Variants in FAM151A observed in about 807,000 individuals in gnomAD.
FAM151A encodes family with sequence similarity 151 member A.
FAM151A carries 41 observed loss-of-function variants against 40.4 expected under a neutral mutation model. The observed-to-expected ratio is 1.01, with a 90% CI of 0.79 to 1.32. FAM151A has a LOEUF of 1.32. Among genes scored for constraint, FAM151A ranks in the 40% most tolerant of loss-of-function variants. The pLI is 0.00. For missense variants in FAM151A, 740 were observed against 740.4 expected, an observed-to-expected ratio of 1.00 and a Z score of 0.01; for synonymous variants, 337 against 312.5, an observed-to-expected ratio of 1.08 and a Z score of -0.83.
At chr1:54,622,180 G>A (rs1034453358) in intron 1 of FAM151A, among the ~76,000 whole-genome samples, 5 of 151,290 alleles carry the variant, frequency 3.3e-5, no homozygotes, top group African/African-American at 1.2e-4. Context: ...GGAGGCTGAG[G>A]TGGAAGAATT....
rs974205611 is a variant in FAM151A at position 54,610,407 on chromosome 1, C to T, written c.1084+5G>A. The T allele has an allele frequency of 1.9e-6, 3 of 1,612,500 alleles. No homozygotes were observed. Among genetic ancestry groups the T allele is most frequent in the Admixed American group, 1.7e-5 (1 of 59,898 alleles). On this transcript the variant is annotated splice_donor_5th_base_variant and intron_variant, in intron 7 of 7. Transcript: ENST00000302250. ...GGAGCACCGGGGCTGAAGGGTAGAC[C>T]TTACCTGGGAGGGTCATTGTTGCTG...
chr1:54,614,770 G>C lies in FAM151A; in HGVS notation c.505C>G (p.Pro169Ala). The C allele has an allele frequency of 6.2e-7, 1 of 1,614,150 alleles. No individual in the cohort carries two copies. The highest frequency in any genetic ancestry group is 8.5e-7 in the Non-Finnish European group (1 of 1,180,022). The change falls in exon 4 of 8, where the codon CCC (proline) becomes GCC (alanine). Residue 169 changes from proline to alanine, a missense_variant. Coordinates refer to ENST00000302250, the MANE Select transcript of FAM151A (RefSeq NM_176782.3). ...QLTEEGKVRR[P>A]IWINADILKG... ...AAGATGTCAGCGTTGATCCATATGGGCCGCCGGACTTTGCCTTCCTCTGTC... is the reference window on the plus strand; with the variant it reads ...AAGATGTCAGCGTTGATCCATATGGCCCGCCGGACTTTGCCTTCCTCTGTC...
chr1:54,616,182 G>C lies in FAM151A; in HGVS notation c.263-10C>G, dbSNP rs757672866. ...AGGACTGTGATGTTGCCTGTGGAAG[G>C]GGCAACAACTCAGTGAGTTCCTTTT... On this transcript the variant is annotated splice_polypyrimidine_tract_variant and intron_variant, in intron 2 of 7. Coordinates refer to ENST00000302250, the MANE Select transcript of FAM151A (RefSeq NM_176782.3). 4.1e-5 allele frequency: 65 copies of C among 1,603,848 alleles called. No individual in the cohort carries two copies. Among genetic ancestry groups the C allele is most frequent in the Non-Finnish European group, 5.5e-5 (64 of 1,174,252 alleles).
At chr1:54,622,458 G>A (rs1040572616) in intron 1 of FAM151A, among the ~76,000 whole-genome samples, 4 of 151,600 alleles carry the variant, frequency 2.6e-5, no homozygotes, top group Non-Finnish European at 4.4e-5. Context: ...CACGCCTGTA[G>A]TCCCAGCTAC....
intron 1 of FAM151A, 146 bp downstream of exon 1, chr1:54,623,132 G>A (rs965446470): frequency 6.8e-6 from 4 of 590,866 alleles, no homozygotes; most frequent in Non-Finnish European, 1.2e-5. Context: ...GCCGAGAATC[G>A]TGCCATTGTA....
Position 54,611,596 on chromosome 1 carries a change from C to G in FAM151A, c.940+10G>C, listed in dbSNP as rs1644118890. The stretch of plus-strand genomic sequence containing the variant: ...CAGCCCACACCACCCTTCCCAATTC[C>G]TCTCCTTACAGGCCAGCTGCTTGAA... On this transcript the variant is annotated intron_variant, in intron 6 of 7. Transcript: ENST00000302250. 1 of 1,613,504 alleles carries G rather than the reference C, an allele frequency of 6.2e-7. No individual in the cohort carries two copies. Among genetic ancestry groups the G allele is most frequent in the Non-Finnish European group, 8.5e-7 (1 of 1,179,734 alleles).
chr1:54,610,596 C>A, intron 6 of FAM151A, 41 bp from the exon 7 acceptor site: 4 of 1,596,444 alleles, frequency 2.5e-6, no homozygotes, highest in South Asian at 1.1e-5. Context: ...GGCTGCCATT[C>A]ACAGAACACC....
At chr1:54,615,900 G>T in intron 3 of FAM151A, 120 bp downstream of exon 3, 1 of 1,027,050 alleles carries the variant, frequency 9.7e-7, no homozygotes, top group Non-Finnish European at 1.5e-6. Flanking sequence ...TGATGAGAAA[G>T]CCAAGGCAAT....
At chr1:54,617,649 G>A (rs918376078) in intron 2 of FAM151A, among the ~76,000 whole-genome samples, 2 of 142,574 alleles carry the variant, frequency 1.4e-5, no homozygotes, top group Non-Finnish European at 3.0e-5. Context: ...TGTGCACATA[G>A]ATCCCCCAGG....
chr1:54,609,545 A>T lies in FAM151A; in HGVS notation c.1481T>A (p.Leu494His). The change falls in exon 8 of 8, where the codon CTC becomes CAC. Residue 494 changes from leucine to histidine, a missense_variant. By Grantham distance (99) the Leu-to-His change is moderately conservative. Coordinates refer to ENST00000302250, the MANE Select transcript of FAM151A (RefSeq NM_176782.3). ...CTGGCACAACTCTAGCATATCTGTG[A>T]GCAGCTGTTCCCTGTAGCCACTGCC... ...VLGSGYREQLLTDMLELCQGL... is the reference protein window; with the variant it reads ...VLGSGYREQLHTDMLELCQGL... The T allele has an allele frequency of 1.9e-6, 3 of 1,612,850 alleles. No individual in the cohort carries two copies. The highest frequency in any genetic ancestry group is 2.2e-5 in the East Asian group (1 of 44,876).
chr1:54,609,583 A>G lies in FAM151A; in HGVS notation c.1443T>C (p.Pro481=), dbSNP rs1285674489. 4 of 1,612,946 alleles carry G rather than the reference A, an allele frequency of 2.5e-6. No individual in the cohort carries two copies. In the Admixed American group the frequency reaches 6.7e-5, roughly 27 times the overall value. The change falls in exon 8 of 8, where the codon CCT becomes CCC. Residue 481 remains proline (P), a synonymous_variant. Transcript: ENST00000302250. ...TGTAGCCACTGCCCAGCACCTCCTC[A>G]GGCCAGCCTGGTGCCACAGTCACGT... ...FPHVTVAPGW[P]EEVLGSGYRE... is the part of the protein sequence containing the mutation.
rs201983547 is a variant in FAM151A, at chr1:54,614,837, G to C, written c.438C>G (p.Asn146Lys). The C allele has an allele frequency of 6.2e-7, 1 of 1,614,030 alleles. No homozygotes were observed. The highest frequency in any genetic ancestry group is 2.2e-5 in the East Asian group (1 of 44,884). ...CCAGGGAGGGGCCCACTGCCTTGATGTTCTTGAAGTCCAGTTTGATGCCTG... is the reference window on the plus strand; with the variant it reads ...CCAGGGAGGGGCCCACTGCCTTGATCTTCTTGAAGTCCAGTTTGATGCCTG... ...SQKGIKLDFK[N>K]IKAVGPSLDL... The change falls in exon 4 of 8, where the codon AAC (asparagine) becomes AAG (lysine). Residue 146 changes from asparagine (N) to lysine (K), a missense_variant. By Grantham distance (94) the Asn-to-Lys change is moderately conservative. Coordinates refer to ENST00000302250, the MANE Select transcript of FAM151A (RefSeq NM_176782.3).
At chr1:54,623,093 T>G (rs561090354) in intron 1 of FAM151A, among the ~76,000 whole-genome samples, 185 bp downstream of exon 1, 101 of 151,728 alleles carry the variant, frequency 6.7e-4, no homozygotes, top group African/African-American at 2.4e-3. Context: ...GGAGAATCGC[T>G]TGAACCTGGG....
intron 2 of FAM151A, among the ~76,000 whole-genome samples, chr1:54,619,043 C>A (rs1254322782): frequency 2.6e-5 from 4 of 152,074 alleles, no homozygotes; most frequent in Non-Finnish European, 4.4e-5. Flanking sequence ...GTCATTCTAC[C>A]AGCCCTCAGA....
rs750281797 is a variant in FAM151A, at chr1:54,623,402, G to A, written c.-7C>T. 6.2e-5 allele frequency: 100 copies of A among 1,607,254 alleles called. 1 individual carries two copies. The highest frequency in any genetic ancestry group is 5.4e-4 in the South Asian group (49 of 90,856). On this transcript the variant is annotated 5_prime_UTR_variant, in exon 1 of 8. Coordinates refer to ENST00000302250, the MANE Select transcript of FAM151A (RefSeq NM_176782.3). Reference sequence around the variant, plus strand: ...ACTGCTCCCTGCAGACCATGGCGACGCTCTCTGGGGAATGCCCCCAACTCC... The same window carrying A: ...ACTGCTCCCTGCAGACCATGGCGACACTCTCTGGGGAATGCCCCCAACTCC...
intron 4 of FAM151A, among the ~76,000 whole-genome samples, chr1:54,613,600 T>G (rs1214652985): frequency 6.6e-6 from 1 of 152,196 alleles, no homozygotes; most frequent in Non-Finnish European, 1.5e-5. Context: ...AAATTTTATT[T>G]GAACTTTGCC....
At chr1:54,611,893 C>T in intron 5 of FAM151A, 148 bp from the exon 6 acceptor site, 1 of 879,006 alleles carries the variant, frequency 1.1e-6, no homozygotes, top group Non-Finnish European at 1.7e-6. Context: ...TGAGTCCTAC[C>T]CCTTCCCAAG....
At chr1:54,618,123 C>T (rs1429561379) in intron 2 of FAM151A, among the ~76,000 whole-genome samples, 1 of 152,122 alleles carries the variant, frequency 6.6e-6, no homozygotes, top group Non-Finnish European at 1.5e-5. Flanking sequence ...GTTTTGTCCT[C>T]CCCATCTCTG....
At chr1:54,614,092 T>A (rs1644146102) in intron 4 of FAM151A, among the ~76,000 whole-genome samples, 2 of 152,232 alleles carry the variant, frequency 1.3e-5, no homozygotes, top group African/African-American at 2.4e-5. Flanking sequence ...TCCACTATTG[T>A]CAGCTTTATC....
Sources: allele counts gnomAD v4.1 joint callset (sites outside exome capture counted in the v4.1 genomes callset), GRCh38; gene constraint gnomAD v4.1.1; transcripts MANE v1.5; gene names NCBI Gene and HGNC (gene_info 2026-07-23, HGNC 2026-07-21).